Variants in DENND2C observed in about 807,000 individuals in gnomAD.
DENND2C encodes the protein DENN domain containing 2C.
DENND2C carries 72 observed loss-of-function variants against 112.4 expected under a neutral mutation model. That is an observed-to-expected ratio of 0.64 (90% CI 0.53 to 0.78). The LOEUF (loss-of-function observed/expected upper bound fraction) is 0.78. Among genes scored for constraint, DENND2C ranks in the 30% least tolerant of loss-of-function variants. The probability of loss-of-function intolerance (pLI) is 0.00; values close to 1 mark genes in which losing one functional copy is unlikely to be tolerated. For synonymous variants in DENND2C, 329 were observed against 381.6 expected (o/e 0.86, Z 1.61); for missense variants, 992 against 1,113.8 (o/e 0.89, Z 1.56).
intron 1 of DENND2C, among the ~76,000 whole-genome samples, chr1:114,655,516 C>T (rs959398762): frequency 5.9e-5 from 9 of 152,084 alleles, no homozygotes; most frequent in African/African-American, 1.7e-4. Flanking sequence ...TGGAGTCTCG[C>T]TCTGTTGCCC....
At chr1:114,660,063 TA>T (rs1459158215) in intron 1 of DENND2C, among the ~76,000 whole-genome samples, 1 of 152,164 alleles carries the variant, frequency 6.6e-6, no homozygotes, top group East Asian at 1.9e-4. Flanking sequence ...GTGCTGGGAT[TA>T]AAGGCATGAG....
intron 20 of DENND2C, 23 bp downstream of exon 20, chr1:114,587,364 A>T: frequency 6.2e-7 from 1 of 1,613,710 alleles, no homozygotes; most frequent in Non-Finnish European, 8.5e-7. Context: ...ACATTTATCT[A>T]ACAGGAAAAC....
Position 114,664,814 on chromosome 1 carries a change from C to T in DENND2C, c.-574+5169G>A, listed in dbSNP as rs537339485. Among the ~76,000 whole-genome samples, 152 of 145,096 alleles carry T rather than the reference C, an allele frequency of 1.0e-3. 1 individual carries two copies. Among genetic ancestry groups the T allele is most frequent in the Middle Eastern group, 3.5e-3 (1 of 282 alleles). On this transcript the variant is annotated intron_variant, in intron 1 of 20. Transcript: ENST00000393274. ...TTTTTTAATTAGCAGGGGGTCAGGC[C>T]GGGTGTGGTGGCTCACACCTGTAAT... is the stretch of plus-strand genomic sequence containing the variant.
intron 3 of DENND2C, among the ~76,000 whole-genome samples, chr1:114,634,905 G>A (rs1037908558): frequency 6.6e-6 from 1 of 151,606 alleles, no homozygotes; most frequent in Non-Finnish European, 1.5e-5. Flanking sequence ...TCATGCACCT[G>A]TAATCCCAGC....
intron 3 of DENND2C, among the ~76,000 whole-genome samples, chr1:114,641,580 C>T (rs977222390): frequency 1.3e-5 from 2 of 152,126 alleles, no homozygotes; most frequent in African/African-American, 4.8e-5. Flanking sequence ...CTTGCTCCCT[C>T]TCTTGCCATG....
At chr1:114,633,484 GGAAT>G (rs1233560411) in intron 3 of DENND2C, among the ~76,000 whole-genome samples, 7 of 135,758 alleles carry the variant, frequency 5.2e-5, no homozygotes, top group African/African-American at 1.9e-4. Context: ...AAGGAAGGAA[GGAAT>G]GAAGGAAGGA....
chr1:114,619,347 A>G (rs1656094443), intron 7 of DENND2C, among the ~76,000 whole-genome samples: 1 of 152,182 alleles, frequency 6.6e-6, no homozygotes, highest in African/African-American at 2.4e-5. Context: ...ATTAGTCCTG[A>G]TTTAACATAC....
chr1:114,593,998 T>A (rs1234807843), intron 18 of DENND2C, among the ~76,000 whole-genome samples: 1 of 152,196 alleles, frequency 6.6e-6, no homozygotes, highest in Non-Finnish European at 1.5e-5. Context: ...ATTTATTGAG[T>A]ACCTATTTAC....
Position 114,583,934 on chromosome 1 carries a change from G to A in DENND2C, c.*1666C>T, listed in dbSNP as rs1654974214. 6.6e-6 allele frequency: 1 copy of A among 151,614 alleles called. No homozygotes were observed. Among genetic ancestry groups the A allele is most frequent in the Non-Finnish European group, 1.5e-5 (1 of 67,996 alleles). The allele number at this position is 151,614 out of a possible 1,614,324, so 9.4% of individuals were successfully genotyped here. A position where few individuals can be genotyped will look rare whatever the true frequency, so the allele number is the denominator to read the frequency against. Reference sequence around the variant, plus strand: ...ACTACTACTACTTTAGATATTAAAGGTCTGGATGACTAAGTGGTATATGTT... The same window carrying A: ...ACTACTACTACTTTAGATATTAAAGATCTGGATGACTAAGTGGTATATGTT... On this transcript the variant is annotated 3_prime_UTR_variant, in exon 21 of 21. Transcript: ENST00000393274.
Position 114,613,264 on chromosome 1 carries a change from G to T in DENND2C, c.1325-2147C>A, listed in dbSNP as rs2101657035. On this transcript the variant is annotated intron_variant, in intron 8 of 20. Coordinates refer to ENST00000393274, the MANE Select transcript of DENND2C (RefSeq NM_001256404.2). ...TAATTAAGCTTTTTTAAAAAGGCAG[G>T]CATACAAAGTCTGAATAGTGTAAGA... Among the ~76,000 whole-genome samples, 3 of 152,266 alleles carry T rather than the reference G, an allele frequency of 2.0e-5. No individual in the cohort carries two copies. The Middle Eastern group carries it at 0.01, about 518-fold the overall frequency.
intron 16 of DENND2C, among the ~76,000 whole-genome samples, chr1:114,596,794 C>T (rs903118581): frequency 3.9e-4 from 60 of 152,022 alleles, no homozygotes; most frequent in South Asian, 4.2e-4. Flanking sequence ...GACAAGGCAG[C>T]GGAGTAATGG....
Position 114,585,500 on chromosome 1 carries a change from T to C in DENND2C, c.*100A>G, listed in dbSNP as rs1655016192. The C allele has an allele frequency of 2.2e-6, 3 of 1,343,660 alleles. No homozygotes were observed. The highest frequency in any genetic ancestry group is 3.1e-6 in the Non-Finnish European group (3 of 953,380). The allele number at this position is 1,343,660 out of a possible 1,614,324, so 83.2% of individuals were successfully genotyped here. On this transcript the variant is annotated 3_prime_UTR_variant, in exon 21 of 21. Coordinates refer to ENST00000393274, the MANE Select transcript of DENND2C (RefSeq NM_001256404.2). ...ACTCGCTCTTTAACCTTTTAAAATTTCAAGAATTTTGTAGAATACTTCATG... is the reference window on the plus strand; with the variant it reads ...ACTCGCTCTTTAACCTTTTAAAATTCCAAGAATTTTGTAGAATACTTCATG...
At chr1:114,641,260 C>CAAAA (rs11316853) in intron 3 of DENND2C, among the ~76,000 whole-genome samples, 3 of 99,036 alleles carry the variant, frequency 3.0e-5, no homozygotes, top group Non-Finnish European at 4.1e-5. Flanking sequence ...GATCCTTTCT[C>CAAAA]AAAAAAAAAA....
chr1:114,655,484 A>T (rs555417293), intron 1 of DENND2C, among the ~76,000 whole-genome samples: 2 of 152,118 alleles, frequency 1.3e-5, no homozygotes, highest in East Asian at 1.9e-4. Flanking sequence ...CCTATAAAAA[A>T]TTTTTTTGTT....
intron 5 of DENND2C, 136 bp from the exon 6 acceptor site, chr1:114,623,235 A>T (rs1359576756): frequency 1.3e-6 from 1 of 784,568 alleles, no homozygotes; most frequent in African/African-American, 1.8e-5. Context: ...GGGTTTCCAG[A>T]TCAACAGCAA....
At chr1:114,642,593 A>G (rs1405024984) in intron 3 of DENND2C, among the ~76,000 whole-genome samples, 1 of 152,198 alleles carries the variant, frequency 6.6e-6, no homozygotes, top group Non-Finnish European at 1.5e-5. Context: ...AGCCAGGCAT[A>G]GCTCTACTAA....
chr1:114,602,400 T>G (rs78819263), intron 11 of DENND2C, among the ~76,000 whole-genome samples: 1 of 152,208 alleles, frequency 6.6e-6, no homozygotes, highest in African/African-American at 2.4e-5. Context: ...AGGCATAATA[T>G]TACATTCATT....
intron 1 of DENND2C, among the ~76,000 whole-genome samples, chr1:114,656,045 C>T (rs376639288): frequency 1.3e-4 from 20 of 151,212 alleles, no homozygotes; most frequent in African/African-American, 3.9e-4. Flanking sequence ...TTGGTTATTA[C>T]GAAGAAAGCT....
At chr1:114,595,911 CA>C (rs765719166) in intron 16 of DENND2C, 38 bp from the exon 17 acceptor site, 1 of 1,587,524 alleles carries the variant, frequency 6.3e-7, no homozygotes, top group Non-Finnish European at 8.6e-7. Context: ...CAACCAGAGA[CA>C]TTCACAGACA....
Sources: gnomAD v4.1 joint callset for allele counts (sites outside exome capture counted in the v4.1 genomes callset) on GRCh38, gnomAD v4.1.1 for gene constraint, MANE v1.5 for transcripts, NCBI Gene and HGNC (gene_info 2026-07-23, HGNC 2026-07-21) for gene names.